LAMP1: variants seen among roughly 807,000 people sequenced by gnomAD.
LAMP1 encodes lysosome associated membrane protein 1.
Under a neutral mutation model 37.5 loss-of-function variants are expected in LAMP1, and 7 were observed. The observed-to-expected ratio is 0.19, with a 90% confidence interval of 0.11 to 0.35. The LOEUF (loss-of-function observed/expected upper bound fraction) is 0.35. LAMP1 is among the 10% of genes least tolerant of loss of function. The probability of loss-of-function intolerance (pLI) is 1.00; values close to 1 mark genes in which losing one functional copy is unlikely to be tolerated. For synonymous variants in LAMP1, 236 were observed against 229.1 expected, an observed-to-expected ratio of 1.03 and a Z score of -0.27; for missense variants, 537 against 552.8, an observed-to-expected ratio of 0.97 and a Z score of 0.29.
At position 113,309,758 on chromosome 13, in the gene LAMP1, TCA is replaced by T; in HGVS notation, c.301_302del (p.Thr101SerfsTer20). 1 of 1,614,132 alleles carries T rather than the reference TCA, an allele frequency of 6.2e-7. No individual in the cohort carries two copies. Among genetic ancestry groups the T allele is most frequent in the Non-Finnish European group, 8.5e-7 (1 of 1,180,000 alleles). ...ATTGCTTTTGGAAGAGGACATACAC[TCA>T]CTCTCAATTTCACGAGAAATGCAAC... On this transcript the variant is annotated frameshift_variant, in exon 3 of 9. Transcript: ENST00000332556. LOFTEE classifies it high-confidence loss of function.
chr13:113,304,308 G>T (rs1227528684), intron 1 of LAMP1, among the ~76,000 whole-genome samples: 1 of 152,184 alleles, frequency 6.6e-6, no homozygotes, highest in Non-Finnish European at 1.5e-5. Context: ...AGGGCGGGGT[G>T]GGCAGTCTCC....
In LAMP1 at chr13:113,297,802, C is replaced by T. The variant is rs2042550823; in HGVS notation, c.61+307C>T. ...GCGAAAGGGAACTTCCGATGGCTTG[C>T]TCGGCGGTCTGGTGCTTTCAGGTCG... On this transcript the variant is annotated intron_variant, in intron 1 of 8. Coordinates refer to ENST00000332556, the MANE Select transcript of LAMP1 (RefSeq NM_005561.4). The surrounding 1 kb of genome is among the most constrained non-coding windows in gnomAD (Gnocchi z 4.4). Among the ~76,000 whole-genome samples, 2 of 152,326 alleles carry T rather than the reference C, an allele frequency of 1.3e-5. No homozygotes were observed. Among genetic ancestry groups the T allele is most frequent in the Non-Finnish European group, 1.5e-5 (1 of 68,030 alleles).
chr13:113,298,604 T>A (rs2042554909), intron 1 of LAMP1, among the ~76,000 whole-genome samples: 1 of 152,200 alleles, frequency 6.6e-6, no homozygotes, highest in African/African-American at 2.4e-5. Flanking sequence ...AGTGAATGGA[T>A]CTTGGCTTCC....
chr13:113,308,959 T>C (rs992041035), intron 2 of LAMP1, among the ~76,000 whole-genome samples: 2 of 152,242 alleles, frequency 1.3e-5, no homozygotes, highest in Non-Finnish European at 2.9e-5. Context: ...AGAAACATTA[T>C]TTAAATGAAC....
In LAMP1 at chr13:113,320,425, G is replaced by A; in HGVS notation, c.831G>A (p.Glu277=). The A allele has an allele frequency of 6.2e-7, 1 of 1,611,894 alleles. No individual in the cohort carries two copies. Among genetic ancestry groups the A allele is most frequent in the Non-Finnish European group, 8.5e-7 (1 of 1,179,996 alleles). Residue 277 remains glutamate (E), a synonymous_variant, in exon 6 of 9, where the codon GAG becomes GAA. Coordinates refer to ENST00000332556, the MANE Select transcript of LAMP1 (RefSeq NM_005561.4). The surrounding 1 kb of genome is among the most constrained non-coding windows in gnomAD (Gnocchi z 4.4). ...GSCGAHLVTL[E]LHSEGTTVLL... ...GCGGCGCCCACCTGGTGACTCTGGA[G>A]CTGCACAGCGAGGGCACCACCGTCC...
Position 113,297,583 on chromosome 13 carries a change from T to C in LAMP1, c.61+88T>C. ...TTGAGGGCGGGGGACTGCCGGGTCGTTGTCCCGCGGGTCGCCCCGCACCCA... is the reference window on the plus strand; with the variant it reads ...TTGAGGGCGGGGGACTGCCGGGTCGCTGTCCCGCGGGTCGCCCCGCACCCA... On this transcript the variant is annotated intron_variant, in intron 1 of 8. Coordinates refer to ENST00000332556, the MANE Select transcript of LAMP1 (RefSeq NM_005561.4). The surrounding 1 kb of genome is among the most constrained non-coding windows in gnomAD (Gnocchi z 4.4). 1 of 1,163,354 alleles carries C rather than the reference T, an allele frequency of 8.6e-7. No homozygotes were observed. Among genetic ancestry groups the C allele is most frequent in the Non-Finnish European group, 1.1e-6 (1 of 936,378 alleles). The allele number at this position is 1,163,354 out of a possible 1,614,324, so 72.1% of individuals were successfully genotyped here. A position where few individuals can be genotyped will look rare whatever the true frequency, so the allele number is the denominator to read the frequency against.
intron 1 of LAMP1, chr13:113,306,099 C>T: frequency 1.2e-5 from 2 of 167,670 alleles, no homozygotes; most frequent in Non-Finnish European, 2.6e-5. Flanking sequence ...TGGCTGACAC[C>T]TATAATCCCA....
intron 4 of LAMP1, among the ~76,000 whole-genome samples, chr13:113,318,561 C>T (rs1239279262): frequency 6.6e-6 from 1 of 152,116 alleles, no homozygotes; most frequent in Non-Finnish European, 1.5e-5. Flanking sequence ...CGGTAGAGCT[C>T]TACCTAGGGT....
intron 1 of LAMP1, among the ~76,000 whole-genome samples, chr13:113,304,284 T>C (rs1048951198): frequency 6.6e-6 from 1 of 152,214 alleles, no homozygotes; most frequent in Non-Finnish European, 1.5e-5. Flanking sequence ...GTGGGCCCTG[T>C]GACTCCTCAC....
Position 113,310,798 on chromosome 13 carries a change from A to G in LAMP1, c.493A>G (p.Asn165Asp). The G allele has an allele frequency of 1.2e-6, 2 of 1,614,060 alleles. No individual in the cohort carries two copies. The highest frequency in any genetic ancestry group is 1.7e-6 in the Non-Finnish European group (2 of 1,179,982). The change falls in exon 4 of 9, where the codon AAC becomes GAC. Residue 165 changes from asparagine to aspartate, a missense_variant. Transcript: ENST00000332556. Reference sequence around the variant, plus strand: ...TAGTGGCACCCAGGTCCACATGAACAACGTGACCGTAACGCTCCATGATGC... The same window carrying G: ...TAGTGGCACCCAGGTCCACATGAACGACGTGACCGTAACGCTCCATGATGC... ...CVSGTQVHMN[N>D]VTVTLHDATI...
rs2042708802 is a variant in LAMP1 at position 113,322,573 on chromosome 13, A to G, written c.*152A>G. 9.8e-6 allele frequency: 6 copies of G among 610,848 alleles called. No homozygotes were observed. The highest frequency in any genetic ancestry group is 5.6e-5 in the South Asian group (2 of 35,816). 37.8% of individuals were successfully genotyped at this position (610,848 alleles called of 1,614,324 possible). On this transcript the variant is annotated 3_prime_UTR_variant, in exon 9 of 9. Transcript: ENST00000332556. ...CATCTTGCAGCATTTACTATGCACA[A>G]CAGAGTAACTATCGAAATGACGGTG... is the stretch of plus-strand genomic sequence containing the variant.
At chr13:113,300,850 G>A (rs1160374592) in intron 1 of LAMP1, among the ~76,000 whole-genome samples, 3 of 152,024 alleles carry the variant, frequency 2.0e-5, no homozygotes, top group African/African-American at 7.2e-5. Context: ...TCTACTAACC[G>A]ATGTTACCTT....
At chr13:113,302,730 A>G (rs2139357057) in intron 1 of LAMP1, among the ~76,000 whole-genome samples, 1 of 152,252 alleles carries the variant, frequency 6.6e-6, no homozygotes, top group South Asian at 2.1e-4. Flanking sequence ...GCACCCAGCC[A>G]GTGTTTCCTC....
chr13:113,302,449 C>T (rs1456394988), intron 1 of LAMP1, among the ~76,000 whole-genome samples: 1 of 152,250 alleles, frequency 6.6e-6, no homozygotes, highest in Non-Finnish European at 1.5e-5. Context: ...CTCAGCCTCC[C>T]AAAGTGCTGG....
intron 4 of LAMP1, among the ~76,000 whole-genome samples, chr13:113,318,684 G>C (rs1160995139): frequency 6.6e-6 from 1 of 151,896 alleles, no homozygotes; most frequent in African/African-American, 2.4e-5. Flanking sequence ...GGTGCCATGT[G>C]CCCCCCCACC....
intron 4 of LAMP1, among the ~76,000 whole-genome samples, chr13:113,312,741 C>T (rs1426422602): frequency 1.3e-5 from 2 of 152,134 alleles, no homozygotes; most frequent in Non-Finnish European, 2.9e-5. Context: ...GAAGAGCGGG[C>T]TAGAGTCCTC....
intron 4 of LAMP1, among the ~76,000 whole-genome samples, chr13:113,317,696 C>CT (rs1223185402): frequency 0.011 from 1,457 of 133,362 alleles, 20 homozygotes; most frequent in African/African-American, 0.026. Context: ...CGTGAAGCTG[C>CT]TTTTTTTTTT....
At chr13:113,312,339 A>G (rs933549272) in intron 4 of LAMP1, among the ~76,000 whole-genome samples, 2 of 152,144 alleles carry the variant, frequency 1.3e-5, no homozygotes, top group African/African-American at 4.8e-5. Flanking sequence ...CATAAGTTAA[A>G]TTTTCTTGGA....
chr13:113,310,754 A>G lies in LAMP1; in HGVS notation c.449A>G (p.Asp150Gly). The G allele has an allele frequency of 1.9e-6, 3 of 1,613,436 alleles. No homozygotes were observed. The highest frequency in any genetic ancestry group is 1.3e-5 in the African/African-American group (1 of 74,966). ...ESITDIRADI[D>G]KKYRCVSGTQ... ...ATAACTGACATCAGGGCAGATATAG[A>G]TAAAAAATACAGATGTGTTAGTGGC... Residue 150 changes from aspartate (D) to glycine (G), a missense_variant, in exon 4 of 9, where the codon GAT (aspartate) becomes GGT (glycine). Transcript: ENST00000332556.
Sources: gnomAD v4.1 joint callset for allele counts (sites outside exome capture counted in the v4.1 genomes callset) on GRCh38, gnomAD v4.1.1 for gene constraint, Gnocchi (gnomAD v3.1) non-coding constraint, MANE v1.5 for transcripts, NCBI Gene and HGNC (gene_info 2026-07-23, HGNC 2026-07-21) for gene names.